Variants in KCNJ6 observed in about 807,000 individuals in gnomAD.
The protein encoded by KCNJ6 is G protein-activated inward rectifier potassium channel 2.
A neutral mutation model predicts 34.2 loss-of-function variants in KCNJ6; 9 were observed. The ratio of observed to expected loss-of-function variants is 0.26; its 90% CI spans 0.16 to 0.46. The LOEUF (loss-of-function observed/expected upper bound fraction) is 0.46, where lower values mean the gene tolerates loss of function less well. Among genes scored for constraint, KCNJ6 ranks in the 20% least tolerant of loss-of-function variants. KCNJ6 has a pLI of 1.00. For missense variants in KCNJ6, 236 were observed against 531.3 expected (o/e 0.44, Z 5.46); for synonymous variants, 196 against 207.1 (o/e 0.95, Z 0.46).
At chr21:37,644,437 C>G (rs1486991671) in intron 3 of KCNJ6, among the ~76,000 whole-genome samples, 1 of 152,064 alleles carries the variant, frequency 6.6e-6, no homozygotes. Flanking sequence ...CATATAATAC[C>G]TATTAAAACA....
chr21:37,705,023 C>T (rs1278335674), intron 3 of KCNJ6, among the ~76,000 whole-genome samples: 3 of 152,150 alleles, frequency 2.0e-5, no homozygotes, highest in African/African-American at 7.2e-5. Context: ...CTAGACTGCC[C>T]TTTCAAGGGA....
chr21:37,743,030 C>T (rs762854428), intron 2 of KCNJ6, among the ~76,000 whole-genome samples: 1 of 152,176 alleles, frequency 6.6e-6, no homozygotes, highest in Non-Finnish European at 1.5e-5. Context: ...CTCAGACTTG[C>T]CCTTCCCTGG....
intron 3 of KCNJ6, among the ~76,000 whole-genome samples, chr21:37,710,078 GGAA>G (rs1414090787): frequency 3.3e-5 from 5 of 152,018 alleles, no homozygotes; most frequent in African/African-American, 1.2e-4. Flanking sequence ...AAAAACAGAT[GGAA>G]GAAGAAGTCA....
chr21:37,654,197 CT>C (rs1379066781), intron 3 of KCNJ6, among the ~76,000 whole-genome samples: 1 of 147,530 alleles, frequency 6.8e-6, no homozygotes, highest in East Asian at 2.0e-4. Context: ...TTCATCCACA[CT>C]TTTTCCTTTC....
chr21:37,741,190 C>T (rs968942506), intron 2 of KCNJ6, among the ~76,000 whole-genome samples: 1 of 152,180 alleles, frequency 6.6e-6, no homozygotes, highest in African/African-American at 2.4e-5. Flanking sequence ...TCAAAATAAA[C>T]ATTTTTTCAA....
rs2054305195 is a variant in KCNJ6 at position 37,625,151 on chromosome 21, C to T, written c.*8G>A. The T allele has an allele frequency of 6.3e-7, 1 of 1,599,636 alleles. No individual in the cohort carries two copies. Among genetic ancestry groups the T allele is most frequent in the East Asian group, 2.2e-5 (1 of 44,802 alleles). ...GGGGAGAAGAGAAGGGTTTGCCCAGCTAGGGCACTAAACTTTGGATTCATT... is the reference window on the plus strand; with the variant it reads ...GGGGAGAAGAGAAGGGTTTGCCCAGTTAGGGCACTAAACTTTGGATTCATT... On this transcript the variant is annotated 3_prime_UTR_variant, in exon 4 of 4. Coordinates refer to ENST00000609713, the MANE Select transcript of KCNJ6 (RefSeq NM_002240.5).
At chr21:37,630,821 T>C (rs1004179684) in intron 3 of KCNJ6, among the ~76,000 whole-genome samples, 1 of 152,200 alleles carries the variant, frequency 6.6e-6, no homozygotes, top group Non-Finnish European at 1.5e-5. Context: ...TTTTTGGGTA[T>C]ATAATGCATT....
intron 1 of KCNJ6, among the ~76,000 whole-genome samples, chr21:37,888,473 T>C (rs1345765694): frequency 1.3e-5 from 2 of 152,218 alleles, no homozygotes. Context: ...AGGTTGACTT[T>C]GGAACCAGGC....
chr21:37,865,341 C>A (rs376236503), intron 1 of KCNJ6, among the ~76,000 whole-genome samples: 1 of 152,170 alleles, frequency 6.6e-6, no homozygotes, highest in South Asian at 2.1e-4. Context: ...AGGCCTTATG[C>A]AAATATTTTC....
rs1424184890 is a variant in KCNJ6, at chr21:37,828,769, G to GAGGCTC, written c.25+11883_25+11888dup. Among the ~76,000 whole-genome samples the GAGGCTC allele has an allele frequency of 2.0e-5, 3 of 152,182 alleles. No homozygotes were observed. In the East Asian group the frequency reaches 5.8e-4, roughly 29 times the overall value. On this transcript the variant is annotated intron_variant, in intron 2 of 3. Transcript: ENST00000609713. Reference sequence around the variant, plus strand: ...TCACTCAATTTCCAGAGCTGAGGCTGAGGCTCAGCGCTTCCTAAACATGCT... The same window carrying GAGGCTC: ...TCACTCAATTTCCAGAGCTGAGGCTGAGGCTCAGGCTCAGCGCTTCCTAAACATGCT...
At chr21:37,872,107 T>C (rs2055655309) in intron 1 of KCNJ6, among the ~76,000 whole-genome samples, 1 of 152,128 alleles carries the variant, frequency 6.6e-6, no homozygotes, top group Non-Finnish European at 1.5e-5. Flanking sequence ...GGGGCACGGA[T>C]GTCCTAAGAG....
chr21:37,841,441 A>G (rs1234858252), intron 1 of KCNJ6, among the ~76,000 whole-genome samples: 2 of 152,214 alleles, frequency 1.3e-5, no homozygotes, highest in Non-Finnish European at 1.5e-5. Context: ...TAACTGCAAC[A>G]TTGCCCACTA....
intron 1 of KCNJ6, among the ~76,000 whole-genome samples, chr21:37,876,918 C>A (rs2055681390): frequency 6.6e-6 from 1 of 152,174 alleles, no homozygotes; most frequent in Non-Finnish European, 1.5e-5. Flanking sequence ...TGCCAGTGCT[C>A]AAAGAGTGAA....
rs540164842 is a variant in KCNJ6 at position 37,653,516 on chromosome 21, G to A, written c.947-28032C>T. Among the ~76,000 whole-genome samples, 13 of 152,276 alleles carry A rather than the reference G, an allele frequency of 8.5e-5. No homozygotes were observed. In the South Asian group the frequency reaches 1.9e-3, roughly 22 times the overall value. ...GGGATTAAAATACTCAAGGGGGGAC[G>A]TAGGGTGAATGATGATGGAAGCAAG... On this transcript the variant is annotated intron_variant, in intron 3 of 3. Coordinates refer to ENST00000609713, the MANE Select transcript of KCNJ6 (RefSeq NM_002240.5).
chr21:37,805,075 TAG>T (rs1414640736), intron 2 of KCNJ6, among the ~76,000 whole-genome samples: 1 of 152,046 alleles, frequency 6.6e-6, no homozygotes, highest in Non-Finnish European at 1.5e-5. Context: ...AGGAAATCCA[TAG>T]AGACAGAAAA....
chr21:37,891,326 T>C (rs566330957), intron 1 of KCNJ6, among the ~76,000 whole-genome samples: 3 of 151,880 alleles, frequency 2.0e-5, no homozygotes, highest in South Asian at 2.1e-4. Flanking sequence ...CAGAGACAGA[T>C]ACGAACACAG....
chr21:37,735,591 C>G (rs2054908580), intron 2 of KCNJ6, among the ~76,000 whole-genome samples: 1 of 152,144 alleles, frequency 6.6e-6, no homozygotes, highest in South Asian at 2.1e-4. Context: ...ACATTGGGCT[C>G]CACCCCATAG....
Position 37,714,458 on chromosome 21 carries a change from C to T in KCNJ6, c.699G>A (p.Val233=). 6.2e-7 allele frequency: 1 copy of T among 1,614,176 alleles called. No homozygotes were observed. Among genetic ancestry groups the T allele is most frequent in the Non-Finnish European group, 8.5e-7 (1 of 1,180,020 alleles). Reference sequence around the variant, plus strand: ...TCAACTTGGCTCTGATGGAAGCCTCCACAATGTGGGAATTCCTAAGGTCCC... The same window carrying T: ...TCAACTTGGCTCTGATGGAAGCCTCTACAATGTGGGAATTCCTAAGGTCCC... ...RVGDLRNSHI[V]EASIRAKLIK... Residue 233 remains valine, a synonymous_variant, in exon 3 of 4, where the codon GTG becomes GTA. Coordinates refer to ENST00000609713, the MANE Select transcript of KCNJ6 (RefSeq NM_002240.5). This position sits in a 1 kb window ranked among gnomAD's most constrained non-coding sequence, Gnocchi z 5.9.
intron 2 of KCNJ6, among the ~76,000 whole-genome samples, chr21:37,724,245 G>C (rs1266647542): frequency 1.3e-5 from 2 of 152,152 alleles, no homozygotes; most frequent in African/African-American, 4.8e-5. Context: ...CAAGCATTCT[G>C]TAAAGAGCCA....
Sources: allele counts gnomAD v4.1 joint callset (sites outside exome capture counted in the v4.1 genomes callset), GRCh38; gene constraint gnomAD v4.1.1; non-coding constraint Gnocchi (gnomAD v3.1); transcripts MANE v1.5; gene names NCBI Gene and HGNC (gene_info 2026-07-23, HGNC 2026-07-21).